The following NOL4L variants were observed in gnomAD, a reference collection of about 807,000 sequenced individuals.
NOL4L encodes the protein nucleolar protein 4 like.
In NOL4L, 7 loss-of-function variants were observed where a neutral mutation model predicts 64.5. The observed-to-expected ratio is 0.11, with a 90% CI of 0.06 to 0.20. The LOEUF is 0.20. Ranked by LOEUF, NOL4L falls within the 10% of genes least tolerant of loss-of-function variation. The pLI, the probability that NOL4L is intolerant of heterozygous loss-of-function variation, is 1.00. For synonymous variants in NOL4L, 413 were observed against 401.0 expected (o/e 1.03, Z -0.36); for missense variants, 680 against 967.1 (o/e 0.70, Z 3.94).
chr20:32,524,868 AG>A (rs1211328090), intron 2 of NOL4L, among the ~76,000 whole-genome samples: 4 of 152,230 alleles, frequency 2.6e-5, no homozygotes, highest in African/African-American at 9.6e-5. Context: ...TGGCATGAGA[AG>A]GGTGACAGAT....
rs180923310 is a variant in NOL4L, at chr20:32,490,327, A to C, written c.700-15585T>G. Among the ~76,000 whole-genome samples the C allele has an allele frequency of 1.7e-4, 26 of 152,072 alleles. 1 individual carries two copies. Among genetic ancestry groups the C allele is most frequent in the African/African-American group, 6.0e-4 (25 of 41,462 alleles). ...TACAGCATATTTATGGAGAAAGGAG[A>C]GATGTTTCTCCTGGGGGACTGGGGG... On this transcript the variant is annotated intron_variant, in intron 4 of 10. Coordinates refer to ENST00000621426, the MANE Select transcript of NOL4L (RefSeq NM_001256798.2).
intron 1 of NOL4L, among the ~76,000 whole-genome samples, chr20:32,583,101 T>A (rs917403577): frequency 6.6e-6 from 1 of 151,890 alleles, no homozygotes; most frequent in Non-Finnish European, 1.5e-5. Context: ...CTGTTCCCGG[T>A]CCGGCCGGAG....
chr20:32,514,499 A>T (rs569337893), intron 3 of NOL4L, among the ~76,000 whole-genome samples: 1 of 152,136 alleles, frequency 6.6e-6, no homozygotes, highest in Non-Finnish European at 1.5e-5. Flanking sequence ...CCAAGGAAAA[A>T]AAAAAAGTAA....
At position 32,463,292 on chromosome 20, in the gene NOL4L, C is replaced by T. The variant is rs2014256605; in HGVS notation, c.842-6897G>A. Among the ~76,000 whole-genome samples the T allele has an allele frequency of 6.6e-6, 1 of 152,172 alleles. No individual in the cohort carries two copies. The highest frequency in any genetic ancestry group is 2.4e-5 in the African/African-American group (1 of 41,448). On this transcript the variant is annotated intron_variant, in intron 5 of 10. Coordinates refer to ENST00000621426, the MANE Select transcript of NOL4L (RefSeq NM_001256798.2). The surrounding 1 kb of genome is among the most constrained non-coding windows in gnomAD (Gnocchi z 5.8). ...TGCCCAGGTGACCTCTTGTCCCCAC[C>T]TGGTCCCCATCTTGCTGCTTCCATG...
At position 32,490,142 on chromosome 20, in the gene NOL4L, A is replaced by ATAT. The variant is rs1487869922; in HGVS notation, c.700-15401_700-15400insATA. ...AGACTCCATCTCAAAAAAAAAAAAA[A>ATAT]AAATATATATACACATATATATATG... On this transcript the variant is annotated intron_variant, in intron 4 of 10. Coordinates refer to ENST00000621426, the MANE Select transcript of NOL4L (RefSeq NM_001256798.2). Among the ~76,000 whole-genome samples, 10 of 146,614 alleles carry ATAT rather than the reference A, an allele frequency of 6.8e-5. 1 individual carries two copies. Among genetic ancestry groups the ATAT allele is most frequent in the African/African-American group, 2.6e-4 (10 of 38,556 alleles).
chr20:32,524,663 T>C (rs1203018640), intron 2 of NOL4L, among the ~76,000 whole-genome samples: 1 of 152,172 alleles, frequency 6.6e-6, no homozygotes, highest in Non-Finnish European at 1.5e-5. Context: ...TACCCCGTGA[T>C]GCCAGGCTGT....
chr20:32,523,827 G>A (rs2018030606), intron 2 of NOL4L, among the ~76,000 whole-genome samples: 1 of 152,154 alleles, frequency 6.6e-6, no homozygotes, highest in African/African-American at 2.4e-5. Flanking sequence ...TAAAAAACAG[G>A]GACTTCACTG....
chr20:32,459,167 A>C (rs1382566666), intron 5 of NOL4L, among the ~76,000 whole-genome samples: 3 of 152,148 alleles, frequency 2.0e-5, no homozygotes, highest in Admixed American at 2.0e-4. Flanking sequence ...CAAGTGTTCC[A>C]AGCTGTTAGA....
At chr20:32,571,949 T>A (rs1239835756) in intron 1 of NOL4L, among the ~76,000 whole-genome samples, 1 of 152,182 alleles carries the variant, frequency 6.6e-6, no homozygotes, top group Admixed American at 6.5e-5. Flanking sequence ...CTTTGGGGGA[T>A]CCCTGAGGGT....
At chr20:32,557,288 G>A (rs761562549) in intron 1 of NOL4L, among the ~76,000 whole-genome samples, 7 of 152,258 alleles carry the variant, frequency 4.6e-5, no homozygotes, top group Non-Finnish European at 8.8e-5. Context: ...TTGAGTCCCA[G>A]CACCAAGCCT....
intron 6 of NOL4L, among the ~76,000 whole-genome samples, chr20:32,455,394 T>G (rs1470030458): frequency 6.6e-6 from 1 of 152,108 alleles, no homozygotes; most frequent in Non-Finnish European, 1.5e-5. Context: ...ACATTCCAAA[T>G]GAGGCAGGCA....
chr20:32,497,409 CTGCCTGAGT>C (rs2016737446), intron 4 of NOL4L, among the ~76,000 whole-genome samples: 1 of 152,184 alleles, frequency 6.6e-6, no homozygotes, highest in Admixed American at 6.5e-5. Flanking sequence ...GGGGGCTGAG[CTGCCTGAGT>C]TTCAGTGCCT....
In NOL4L at chr20:32,515,135, C is replaced by T. The variant is rs144597693; in HGVS notation, c.590-3679G>A. On this transcript the variant is annotated intron_variant, in intron 3 of 10. Coordinates refer to ENST00000621426, the MANE Select transcript of NOL4L (RefSeq NM_001256798.2). ...TGGCCAGGACAGCACCCTTGGGAGGCGTGAGAAGAGGTCTTCCTTGGCCTG... is the reference window on the plus strand; with the variant it reads ...TGGCCAGGACAGCACCCTTGGGAGGTGTGAGAAGAGGTCTTCCTTGGCCTG... Among the ~76,000 whole-genome samples the T allele has an allele frequency of 3.0e-3, 462 of 152,174 alleles. 2 individuals carry two copies. The highest frequency in any genetic ancestry group is 0.01 in the African/African-American group (428 of 41,498).
At chr20:32,461,225 C>G (rs531717749) in intron 5 of NOL4L, among the ~76,000 whole-genome samples, 2 of 152,264 alleles carry the variant, frequency 1.3e-5, no homozygotes, top group East Asian at 1.9e-4. Context: ...GCCCTTCCAG[C>G]GAGCCCCTAT....
intron 1 of NOL4L, among the ~76,000 whole-genome samples, chr20:32,570,810 A>G (rs1313984311): frequency 6.6e-6 from 1 of 152,208 alleles, no homozygotes; most frequent in Non-Finnish European, 1.5e-5. Flanking sequence ...GCACAATAAT[A>G]ATTAATAACA....
chr20:32,470,912 C>T (rs1313241248), intron 5 of NOL4L, among the ~76,000 whole-genome samples: 1 of 152,204 alleles, frequency 6.6e-6, no homozygotes. Context: ...GCTGAGTTGC[C>T]CCAAGTCTCT....
At chr20:32,487,934 ATTT>A (rs36085049) in intron 4 of NOL4L, among the ~76,000 whole-genome samples, 13 of 105,982 alleles carry the variant, frequency 1.2e-4, no homozygotes, top group Admixed American at 5.3e-4. Context: ...TGTTGGTTTT[ATTT>A]TTTTTTTTTT....
intron 5 of NOL4L, among the ~76,000 whole-genome samples, chr20:32,467,303 G>A (rs1428165798): frequency 6.7e-6 from 1 of 150,336 alleles, no homozygotes; most frequent in Non-Finnish European, 1.5e-5. Flanking sequence ...GAGAAGCAGG[G>A]TCTTGGGAAC....
intron 5 of NOL4L, among the ~76,000 whole-genome samples, chr20:32,456,709 T>C (rs2013570250): frequency 6.6e-6 from 1 of 152,212 alleles, no homozygotes; most frequent in Non-Finnish European, 1.5e-5. Context: ...TCCAAGGGTT[T>C]GGGAGTGAGT....
Sources: allele counts gnomAD v4.1 joint callset (sites outside exome capture counted in the v4.1 genomes callset), GRCh38; gene constraint gnomAD v4.1.1; non-coding constraint Gnocchi (gnomAD v3.1); transcripts MANE v1.5; gene names NCBI Gene and HGNC (gene_info 2026-07-23, HGNC 2026-07-21).